REXO2: variants seen among roughly 807,000 people sequenced by gnomAD.
REXO2 encodes the protein RNA exonuclease 2, also known as oligoribonuclease, mitochondrial.
REXO2 carries 17 observed loss-of-function variants against 30.9 expected under a neutral mutation model. That is an observed-to-expected ratio of 0.55 (90% confidence interval 0.38 to 0.82). The LOEUF (loss-of-function observed/expected upper bound fraction) is 0.82, where lower values mean the gene tolerates loss of function less well. REXO2 is among the 40% of genes least tolerant of loss of function. REXO2 has a pLI of 0.00. For synonymous variants in REXO2, 105 were observed against 99.6 expected, an observed-to-expected ratio of 1.05 and a Z score of -0.32; for missense variants, 253 against 293.2, an observed-to-expected ratio of 0.86 and a Z score of 1.00.
chr11:114,443,275 T>A (rs1003421495), intron 2 of REXO2, among the ~76,000 whole-genome samples: 1 of 124,200 alleles, frequency 8.1e-6, no homozygotes, highest in Non-Finnish European at 1.8e-5. Flanking sequence ...CCCACCTAAT[T>A]TTTTTTTTTT....
intron 2 of REXO2, among the ~76,000 whole-genome samples, chr11:114,442,608 C>G (rs1424630267): frequency 6.6e-6 from 1 of 152,004 alleles, no homozygotes; most frequent in Non-Finnish European, 1.5e-5. Context: ...AGTAATAATA[C>G]CTTGGATTTA....
chr11:114,440,780 C>T, intron 2 of REXO2, 41 bp downstream of exon 2: 1 of 1,387,200 alleles, frequency 7.2e-7, no homozygotes, highest in Non-Finnish European at 1.0e-6. Context: ...TTTTAAAGGG[C>T]ACTGGAAATA....
At position 114,447,354 on chromosome 11, in the gene REXO2, G is replaced by A. The variant is rs112373629; in HGVS notation, c.531-472G>A. 1.4e-4 allele frequency among the ~76,000 whole-genome samples: 21 copies of A among 152,334 alleles called. 1 individual carries two copies. The highest frequency in any genetic ancestry group is 4.6e-4 in the African/African-American group (19 of 41,572). ...GACAGACACTCAGTGTTCGAATGAG[G>A]TGGTGTGAAAAGGAAGAGGTATAAT... On this transcript the variant is annotated intron_variant, in intron 5 of 6. Coordinates refer to ENST00000265881, the MANE Select transcript of REXO2 (RefSeq NM_015523.4).
chr11:114,440,565 T>C (rs1946469824), intron 1 of REXO2, 91 bp from the exon 2 acceptor site: 2 of 942,426 alleles, frequency 2.1e-6, no homozygotes, highest in Non-Finnish European at 3.3e-6. Context: ...ACAAGCTGAC[T>C]ATGTTTGAGG....
chr11:114,444,746 C>A, intron 4 of REXO2, 94 bp downstream of exon 4: 2 of 677,952 alleles, frequency 3.0e-6, no homozygotes, highest in South Asian at 3.4e-5. Context: ...CCATCCATGT[C>A]TTCCACTTAA....
chr11:114,446,142 A>T, intron 5 of REXO2, 55 bp downstream of exon 5: 1 of 1,022,316 alleles, frequency 9.8e-7, no homozygotes. Context: ...GTTTTAATTG[A>T]GAATTTGTGG....
chr11:114,446,561 C>T (rs1946510883), intron 5 of REXO2, among the ~76,000 whole-genome samples: 1 of 152,090 alleles, frequency 6.6e-6, no homozygotes, highest in Admixed American at 6.6e-5. Context: ...GTCAGAGAAA[C>T]CTTTACATAG....
intron 6 of REXO2, among the ~76,000 whole-genome samples, chr11:114,448,157 C>G (rs1215748980): frequency 1.3e-5 from 2 of 151,990 alleles, no homozygotes; most frequent in African/African-American, 2.4e-5. Context: ...AGTAATGAAC[C>G]GTGTTAACTT....
intron 2 of REXO2, chr11:114,441,638 GA>G (rs1946478718): frequency 4.5e-6 from 3 of 670,826 alleles, no homozygotes; most frequent in Non-Finnish European, 8.1e-6. Flanking sequence ...TTGTGGAAAA[GA>G]GAGTCTTGTT....
intron 2 of REXO2, chr11:114,441,735 T>G (rs1946479639): frequency 1.4e-6 from 1 of 702,316 alleles, no homozygotes. Flanking sequence ...TTGTTTGTTT[T>G]GCTGTGTAGG....
chr11:114,441,624 A>G, intron 2 of REXO2: 1 of 656,206 alleles, frequency 1.5e-6, no homozygotes, highest in East Asian at 2.7e-5. Context: ...CAAAGTAGGG[A>G]TGTTTGTGGA....
intron 1 of REXO2, chr11:114,440,052 T>G (rs899400683): frequency 4.2e-6 from 2 of 478,888 alleles, no homozygotes; most frequent in Admixed American, 5.0e-5. Flanking sequence ...CCTAGGTTGT[T>G]AGGGCCAGAC....
Position 114,440,715 on chromosome 11 carries a change from C to T in REXO2, c.207C>T (p.Asp69=), listed in dbSNP as rs533538169. 1 of 1,613,658 alleles carries T rather than the reference C, an allele frequency of 6.2e-7. No homozygotes were observed. The highest frequency in any genetic ancestry group is 2.2e-5 in the East Asian group (1 of 44,866). ...QIIEMACLIT[D]SDLNILAEGP... ...TTGAGATGGCCTGTCTGATAACTGA[C>T]TCTGATCTCAACATTTTGGCTGAAG... is the stretch of plus-strand genomic sequence containing the variant. The change falls in exon 2 of 7, where the codon GAC becomes GAT. Residue 69 remains aspartate (D), a synonymous_variant. Transcript: ENST00000265881.
intron 3 of REXO2, 39 bp downstream of exon 3, chr11:114,443,972 C>T (rs1316263307): frequency 1.4e-6 from 2 of 1,441,130 alleles, no homozygotes; most frequent in Non-Finnish European, 1.9e-6. Flanking sequence ...CTTTGGGGAT[C>T]AGTAGCAAGC....
rs761280301 is a variant in REXO2 at position 114,443,953 on chromosome 11, G to A, written c.309+20G>A. On this transcript the variant is annotated intron_variant, in intron 3 of 6. Coordinates refer to ENST00000265881, the MANE Select transcript of REXO2 (RefSeq NM_015523.4). ...GGGAAGGTAACATTACCAAATAACA[G>A]GATTGCTGCTTTGGGGATCAGTAGC... The A allele has an allele frequency of 1.3e-5, 21 of 1,572,218 alleles. No homozygotes were observed. In the East Asian group the frequency reaches 4.1e-4, roughly 30 times the overall value.
In REXO2 at chr11:114,447,697, C is replaced by T. The variant is rs1173040496; in HGVS notation, c.531-129C>T. 1.0e-5 allele frequency: 7 copies of T among 677,068 alleles called. No individual in the cohort carries two copies. The South Asian group carries it at 1.1e-4, about 10-fold the overall frequency. 41.9% of individuals were successfully genotyped at this position (677,068 alleles called of 1,614,324 possible). On this transcript the variant is annotated intron_variant, in intron 5 of 6. Transcript: ENST00000265881. Reference sequence around the variant, plus strand: ...AGGAGAGGGTAGAAGATAGAGGCCCCGGCAAAGAAGCAACTTGAGAATCAT... The same window carrying T: ...AGGAGAGGGTAGAAGATAGAGGCCCTGGCAAAGAAGCAACTTGAGAATCAT...
In REXO2 at chr11:114,443,894, G is replaced by A; in HGVS notation, c.270G>A (p.Leu90=). Reference sequence around the variant, plus strand: ...TTATAAAACAACCAGATGAGTTGCTGGACAGCATGTCAGATTGGTGTAAGG... The same window carrying A: ...TTATAAAACAACCAGATGAGTTGCTAGACAGCATGTCAGATTGGTGTAAGG... ...NLIIKQPDEL[L]DSMSDWCKEH... Residue 90 remains leucine, a synonymous_variant, in exon 3 of 7, where the codon CTG becomes CTA. Transcript: ENST00000265881. 6.2e-7 allele frequency: 1 copy of A among 1,609,444 alleles called. No individual in the cohort carries two copies. Among genetic ancestry groups the A allele is most frequent in the Non-Finnish European group, 8.5e-7 (1 of 1,177,960 alleles).
Position 114,440,661 on chromosome 11 carries a change from A to G in REXO2, c.153A>G (p.Thr51=), listed in dbSNP as rs768739083. Residue 51 remains threonine, a synonymous_variant, in exon 2 of 7, where the codon ACA becomes ACG. Coordinates refer to ENST00000265881, the MANE Select transcript of REXO2 (RefSeq NM_015523.4). ...QRMVWVDLEM[T]GLDIEKDQII... is the part of the protein sequence containing the mutation. ...ATATTTATTTTTAATTGCAGATGAC[A>G]GGATTGGACATTGAGAAGGACCAGA... is the stretch of plus-strand genomic sequence containing the variant. 1.2e-6 allele frequency: 2 copies of G among 1,610,374 alleles called. No individual in the cohort carries two copies. Among genetic ancestry groups the G allele is most frequent in the Non-Finnish European group, 8.5e-7 (1 of 1,177,008 alleles).
At chr11:114,444,398 G>T in intron 3 of REXO2, 143 bp from the exon 4 acceptor site, 1 of 673,984 alleles carries the variant, frequency 1.5e-6, no homozygotes, top group Non-Finnish European at 2.6e-6. Flanking sequence ...AAAGATGGCA[G>T]TTGCAATTTG....
Sources: allele counts gnomAD v4.1 joint callset (sites outside exome capture counted in the v4.1 genomes callset), GRCh38; gene constraint gnomAD v4.1.1; transcripts MANE v1.5; gene names NCBI Gene and HGNC (gene_info 2026-07-23, HGNC 2026-07-21).